The following TMEM108 variants were observed in gnomAD, a reference collection of about 807,000 sequenced individuals.
TMEM108 encodes the protein transmembrane protein 108.
A neutral mutation model predicts 35.1 loss-of-function variants in TMEM108; 12 were observed. That is an observed-to-expected ratio of 0.34 (90% CI 0.22 to 0.55). TMEM108 has a LOEUF of 0.55. TMEM108 is among the 20% of genes least tolerant of loss of function. The pLI is 0.89. For missense variants in TMEM108, 680 were observed against 753.3 expected (o/e 0.90, Z 1.14); for synonymous variants, 287 against 308.6 (o/e 0.93, Z 0.73).
intron 2 of TMEM108, among the ~76,000 whole-genome samples, chr3:133,106,747 T>C (rs1335257116): frequency 2.0e-5 from 3 of 152,224 alleles, no homozygotes; most frequent in Admixed American, 1.3e-4. Flanking sequence ...GGCAGGACTA[T>C]GCAAGATCCA....
intron 3 of TMEM108, among the ~76,000 whole-genome samples, chr3:133,252,454 C>T (rs958447207): frequency 6.6e-6 from 1 of 152,086 alleles, no homozygotes; most frequent in Non-Finnish European, 1.5e-5. Context: ...AATCACAATT[C>T]GTGAGCCTGC....
intron 3 of TMEM108, among the ~76,000 whole-genome samples, chr3:133,232,816 G>A (rs1576399478): frequency 6.6e-6 from 1 of 152,160 alleles, no homozygotes; most frequent in Non-Finnish European, 1.5e-5. Flanking sequence ...CTTTCAGAAG[G>A]TTTAACACAT....
intron 2 of TMEM108, among the ~76,000 whole-genome samples, chr3:133,083,246 C>T (rs1943838712): frequency 7.0e-6 from 1 of 143,178 alleles, no homozygotes; most frequent in Non-Finnish European, 1.5e-5. Context: ...GTATCCTGTA[C>T]ATGCCTCTGT....
intron 3 of TMEM108, among the ~76,000 whole-genome samples, chr3:133,365,171 A>G (rs963349935): frequency 6.6e-6 from 1 of 152,230 alleles, no homozygotes; most frequent in African/African-American, 2.4e-5. Flanking sequence ...CGGAATGAGA[A>G]CCTCATTGTT....
intron 3 of TMEM108, among the ~76,000 whole-genome samples, chr3:133,238,922 C>T (rs907879044): frequency 6.6e-6 from 1 of 152,140 alleles, no homozygotes; most frequent in Admixed American, 6.5e-5. Context: ...AGGAGATGAA[C>T]GGAACTTCAC....
At chr3:133,098,475 C>G (rs1229642509) in intron 2 of TMEM108, among the ~76,000 whole-genome samples, 1 of 152,100 alleles carries the variant, frequency 6.6e-6, no homozygotes, top group Non-Finnish European at 1.5e-5. Flanking sequence ...ATTTCAAAAC[C>G]AATTATGCCT....
chr3:133,268,228 T>C (rs746104614), intron 3 of TMEM108, among the ~76,000 whole-genome samples: 7 of 152,232 alleles, frequency 4.6e-5, no homozygotes, highest in Non-Finnish European at 8.8e-5. Flanking sequence ...GAAAGGTCCT[T>C]GGAACAGAAG....
chr3:133,300,647 C>T (rs1231322984), intron 3 of TMEM108, among the ~76,000 whole-genome samples: 5 of 151,946 alleles, frequency 3.3e-5, no homozygotes, highest in Non-Finnish European at 7.4e-5. Flanking sequence ...GGCAGGGTAA[C>T]CATGGTAGAC....
At chr3:133,341,888 T>C (rs1259249964) in intron 3 of TMEM108, among the ~76,000 whole-genome samples, 1 of 151,950 alleles carries the variant, frequency 6.6e-6, no homozygotes, top group African/African-American at 2.4e-5. Flanking sequence ...CAAATCAAAA[T>C]GGATTTAAAA....
rs1178349277 is a variant in TMEM108, at chr3:133,380,135, C to T, written c.424C>T (p.Leu142=). Residue 142 remains leucine (L), a synonymous_variant, in exon 4 of 6, where the codon CTG becomes TTG. Transcript: ENST00000321871. The surrounding 1 kb of genome is among the most constrained non-coding windows in gnomAD (Gnocchi z 5.3). ...RPRGQAAPTI[L]LTKPPGATSR... is the part of the protein sequence containing the mutation. ...TCGAGGGCAGGCTGCCCCCACCATC[C>T]TGCTGACAAAGCCACCGGGGGCCAC... The T allele has an allele frequency of 6.2e-7, 1 of 1,613,790 alleles. No individual in the cohort carries two copies. The highest frequency in any genetic ancestry group is 2.2e-5 in the East Asian group (1 of 44,856).
intron 2 of TMEM108, among the ~76,000 whole-genome samples, chr3:133,123,089 G>A (rs1166490592): frequency 6.6e-6 from 1 of 152,150 alleles, no homozygotes; most frequent in Admixed American, 6.5e-5. Flanking sequence ...GCTTACATGT[G>A]TATGTACGGA....
intron 3 of TMEM108, among the ~76,000 whole-genome samples, chr3:133,357,796 G>A (rs530457574): frequency 5.3e-5 from 8 of 152,022 alleles, no homozygotes; most frequent in Non-Finnish European, 1.0e-4. Flanking sequence ...ACGTTGGGAG[G>A]CGGGTGAGGG....
intron 3 of TMEM108, among the ~76,000 whole-genome samples, chr3:133,296,446 C>A (rs1322484490): frequency 6.6e-6 from 1 of 152,064 alleles, no homozygotes; most frequent in African/African-American, 2.4e-5. Flanking sequence ...ACATGTTTTT[C>A]CCTGTGTTCC....
intron 2 of TMEM108, among the ~76,000 whole-genome samples, chr3:133,091,230 A>G (rs1943943400): frequency 6.6e-6 from 1 of 152,084 alleles, no homozygotes; most frequent in Non-Finnish European, 1.5e-5. Flanking sequence ...GAACTTTTCC[A>G]TATATTTGTT....
chr3:133,275,534 T>C (rs980535736), intron 3 of TMEM108, among the ~76,000 whole-genome samples: 1 of 152,234 alleles, frequency 6.6e-6, no homozygotes, highest in Non-Finnish European at 1.5e-5. Flanking sequence ...TATTGGATAA[T>C]GCAGCCTGGA....
At chr3:133,370,739 G>A (rs1312937588) in intron 3 of TMEM108, among the ~76,000 whole-genome samples, 1 of 152,152 alleles carries the variant, frequency 6.6e-6, no homozygotes, top group Non-Finnish European at 1.5e-5. Context: ...TCGTATGTGA[G>A]TTTATGCTCC....
chr3:133,390,671 G>A (rs563366575), intron 5 of TMEM108, among the ~76,000 whole-genome samples: 1 of 152,244 alleles, frequency 6.6e-6, no homozygotes, highest in East Asian at 1.9e-4. Context: ...TGCTCCTAAG[G>A]GGCTCAGGTT....
intron 3 of TMEM108, among the ~76,000 whole-genome samples, chr3:133,370,438 A>T (rs1198097281): frequency 6.6e-6 from 1 of 152,214 alleles, no homozygotes; most frequent in East Asian, 1.9e-4. Flanking sequence ...ACATATTGTC[A>T]TCATGACATT....
At chr3:133,079,917 G>C (rs370937769) in intron 2 of TMEM108, among the ~76,000 whole-genome samples, 7 of 152,166 alleles carry the variant, frequency 4.6e-5, no homozygotes, top group African/African-American at 1.4e-4. Flanking sequence ...CTGGGTGGAG[G>C]CTGAGTGCTT....
Sources: allele counts gnomAD v4.1 joint callset (sites outside exome capture counted in the v4.1 genomes callset), GRCh38; gene constraint gnomAD v4.1.1; non-coding constraint Gnocchi (gnomAD v3.1); transcripts MANE v1.5; gene names NCBI Gene and HGNC (gene_info 2026-07-23, HGNC 2026-07-21).